Variants in SERPINE2 observed in about 807,000 individuals in gnomAD.
SERPINE2 encodes serpin family E member 2.
A neutral mutation model predicts 36.3 loss-of-function variants in SERPINE2; 14 were observed. That is an observed-to-expected ratio of 0.39 (90% CI 0.25 to 0.60). The LOEUF (loss-of-function observed/expected upper bound fraction) is 0.60. Among genes scored for constraint, SERPINE2 ranks in the 20% least tolerant of loss-of-function variants. The pLI, the probability that SERPINE2 is intolerant of heterozygous loss-of-function variation, is 0.57. For synonymous variants in SERPINE2, 192 were observed against 191.8 expected (o/e 1.00, Z -0.01); for missense variants, 418 against 499.6 (o/e 0.84, Z 1.56).
chr2:224,015,578 G>A (rs1303914140), intron 1 of SERPINE2, among the ~76,000 whole-genome samples: 1 of 152,182 alleles, frequency 6.6e-6, no homozygotes, highest in African/African-American at 2.4e-5. Context: ...CTGTGTCCAT[G>A]ACTCCAACAA....
At chr2:224,030,304 A>G (rs1692319704) in intron 1 of SERPINE2, 1 of 831,610 alleles carries the variant, frequency 1.2e-6, no homozygotes, top group Non-Finnish European at 1.5e-6. Flanking sequence ...GCAAAGACAC[A>G]GAGCAAGTCA....
intron 1 of SERPINE2, among the ~76,000 whole-genome samples, chr2:224,023,113 A>G (rs572208424): frequency 6.6e-6 from 1 of 152,324 alleles, no homozygotes; most frequent in South Asian, 2.1e-4. Flanking sequence ...CAAGGTGAGA[A>G]CAGACTAATA....
intron 1 of SERPINE2, among the ~76,000 whole-genome samples, chr2:224,032,763 C>T (rs1347192575): frequency 6.6e-6 from 1 of 152,172 alleles, no homozygotes; most frequent in Non-Finnish European, 1.5e-5. Flanking sequence ...ACTAGGGTGT[C>T]CACCCCAACC....
At chr2:224,034,769 C>T (rs1291934675) in intron 1 of SERPINE2, among the ~76,000 whole-genome samples, 1 of 152,220 alleles carries the variant, frequency 6.6e-6, no homozygotes, top group African/African-American at 2.4e-5. Flanking sequence ...GATATAGAAT[C>T]GACCCTGCCC....
intron 2 of SERPINE2, among the ~76,000 whole-genome samples, chr2:223,998,948 G>C (rs966019689): frequency 6.6e-5 from 10 of 152,194 alleles, no homozygotes; most frequent in African/African-American, 2.4e-4. Flanking sequence ...CTGGGCACCA[G>C]GTCAGTATGA....
At chr2:223,993,530 A>ATATGTGTG (rs368915715) in intron 3 of SERPINE2, among the ~76,000 whole-genome samples, 1 of 149,794 alleles carries the variant, frequency 6.7e-6, no homozygotes, top group Non-Finnish European at 1.5e-5. Flanking sequence ...GCTCAAATAT[A>ATATGTGTG]TGTGTGTGTG....
In SERPINE2 at chr2:224,001,782, T is replaced by C. The variant is rs141166054; in HGVS notation, c.119A>G (p.Asn40Ser). The C allele has an allele frequency of 6.2e-7, 1 of 1,613,872 alleles. No individual in the cohort carries two copies. Among genetic ancestry groups the C allele is most frequent in the African/African-American group, 1.3e-5 (1 of 74,834 alleles). ...ATGAGGCCTCGACTTCACAATCTGA[T>C]TGAAAACCTGGATCCCCGTGTTGGA... Reference protein sequence around the residue: ...LGSNTGIQVFNQIVKSRPHDN... With the variant: ...LGSNTGIQVFSQIVKSRPHDN... Residue 40 changes from asparagine to serine, a missense_variant, in exon 2 of 9, where the codon AAT (asparagine) becomes AGT (serine). Coordinates refer to ENST00000409304, the MANE Select transcript of SERPINE2 (RefSeq NM_001136528.2).
At chr2:224,005,098 A>ATATATATATATATATAT (rs1559209284) in intron 1 of SERPINE2, among the ~76,000 whole-genome samples, 7 of 115,722 alleles carry the variant, frequency 6.0e-5, no homozygotes, top group South Asian at 2.4e-4. Flanking sequence ...TATATATATA[A>ATATATATATATATATAT]AACATTGTAA....
chr2:224,015,371 C>G (rs1162164280), intron 1 of SERPINE2, among the ~76,000 whole-genome samples: 5 of 152,132 alleles, frequency 3.3e-5, no homozygotes, highest in Non-Finnish European at 7.3e-5. Flanking sequence ...TGGGAAGGGC[C>G]ACATGGGCAG....
chr2:224,003,483 CTT>C (rs1433577419), intron 1 of SERPINE2, among the ~76,000 whole-genome samples: 8 of 152,278 alleles, frequency 5.3e-5, no homozygotes, highest in Non-Finnish European at 7.4e-5. Context: ...TTAAAATAAA[CTT>C]AAGTGACTGC....
At position 224,001,667 on chromosome 2, in the gene SERPINE2, G is replaced by T; in HGVS notation, c.234C>A (p.Ala78=). 6.2e-7 allele frequency: 1 copy of T among 1,614,040 alleles called. No individual in the cohort carries two copies. The highest frequency in any genetic ancestry group is 1.7e-4 in the Middle Eastern group (1 of 6,060). Residue 78 remains alanine, a synonymous_variant, in exon 2 of 9, where the codon GCC becomes GCA. Coordinates refer to ENST00000409304, the MANE Select transcript of SERPINE2 (RefSeq NM_001136528.2). ...CATTTACGCCGTATCTCATCACCAT[G>T]GCGAGCTGCTTCTTGGTCCTGCCGT... ...GADGRTKKQL[A]MVMRYGVNGV... is the part of the protein sequence containing the mutation.
chr2:223,977,765 C>T, intron 7 of SERPINE2, 138 bp from the exon 8 acceptor site: 1 of 636,714 alleles, frequency 1.6e-6, no homozygotes, highest in Non-Finnish European at 2.9e-6. Flanking sequence ...ATAGGCTGGC[C>T]ATGTTACAAC....
intron 4 of SERPINE2, among the ~76,000 whole-genome samples, chr2:223,987,192 T>C (rs895174275): frequency 2.6e-5 from 4 of 152,176 alleles, no homozygotes; most frequent in African/African-American, 9.7e-5. Context: ...GAAAATTCAT[T>C]GAGACAACAC....
intron 1 of SERPINE2, among the ~76,000 whole-genome samples, chr2:224,014,243 C>T (rs1202818928): frequency 3.3e-5 from 5 of 152,024 alleles, no homozygotes; most frequent in African/African-American, 9.7e-5. Flanking sequence ...GGCATGGTGG[C>T]GCACACCTGT....
chr2:224,016,051 G>A (rs970892787), intron 1 of SERPINE2, among the ~76,000 whole-genome samples: 2 of 152,212 alleles, frequency 1.3e-5, no homozygotes, highest in Non-Finnish European at 2.9e-5. Flanking sequence ...AGCCACTGGG[G>A]AAATCCAAAT....
rs140484096 is a variant in SERPINE2 at position 223,984,944 on chromosome 2, G to A, written c.692C>T (p.Thr231Ile). ...GTACCATAAATCATTGGGGGCACTTGTCGACCCTAAAGAAATCAGAAGCAG... is the reference window on the plus strand; with the variant it reads ...GTACCATAAATCATTGGGGGCACTTATCGACCCTAAAGAAATCAGAAGCAG... The part of the protein sequence containing the change: ...AQLSVFRCGS[T>I]SAPNDLWYNF... Residue 231 changes from threonine (T) to isoleucine (I), a missense_variant, in exon 5 of 9, where the codon ACA (threonine) becomes ATA (isoleucine). By Grantham distance (89) the Thr-to-Ile change is moderately conservative. Coordinates refer to ENST00000409304, the MANE Select transcript of SERPINE2 (RefSeq NM_001136528.2). 4 of 1,614,046 alleles carry A rather than the reference G, an allele frequency of 2.5e-6. No homozygotes were observed. Among genetic ancestry groups the A allele is most frequent in the Non-Finnish European group, 3.4e-6 (4 of 1,180,022 alleles).
chr2:223,995,496 C>G (rs1232557934), intron 3 of SERPINE2, among the ~76,000 whole-genome samples: 1 of 152,196 alleles, frequency 6.6e-6, no homozygotes, highest in African/African-American at 2.4e-5. Flanking sequence ...TGCTGCTTCT[C>G]CCGTGGCTTT....
At chr2:223,996,723 A>G (rs1300995636) in intron 3 of SERPINE2, among the ~76,000 whole-genome samples, 1 of 152,182 alleles carries the variant, frequency 6.6e-6, no homozygotes, top group Non-Finnish European at 1.5e-5. Context: ...GAAAGGCGAC[A>G]GTTTCCCTAG....
At chr2:223,987,638 G>A (rs1690486715) in intron 4 of SERPINE2, among the ~76,000 whole-genome samples, 1 of 152,198 alleles carries the variant, frequency 6.6e-6, no homozygotes, top group Non-Finnish European at 1.5e-5. Flanking sequence ...TTAGATGAAT[G>A]GTGGTCAACA....
Sources: allele counts gnomAD v4.1 joint callset (sites outside exome capture counted in the v4.1 genomes callset), GRCh38; gene constraint gnomAD v4.1.1; transcripts MANE v1.5; gene names NCBI Gene and HGNC (gene_info 2026-07-23, HGNC 2026-07-21).